Variants in CCDC170 observed in about 807,000 individuals in gnomAD.
CCDC170 encodes coiled-coil domain containing 170.
In CCDC170, 69 loss-of-function variants were observed where a neutral mutation model predicts 72.6. The ratio of observed to expected loss-of-function variants is 0.95; its 90% CI spans 0.78 to 1.16. CCDC170 has a LOEUF of 1.16. Among genes scored for constraint, CCDC170 ranks in the 50% most tolerant of loss-of-function variants. The pLI is 0.00. For missense variants in CCDC170, 852 were observed against 832.5 expected (o/e 1.02, Z -0.29); for synonymous variants, 300 against 303.9 (o/e 0.99, Z 0.13).
chr6:151,544,861 G>C, intron 4 of CCDC170, 145 bp downstream of exon 4: 4 of 646,312 alleles, frequency 6.2e-6, no homozygotes, highest in African/African-American at 1.8e-5. Flanking sequence ...TATGACTTGG[G>C]ACAAGTCACG....
intron 1 of CCDC170, among the ~76,000 whole-genome samples, chr6:151,522,703 A>G (rs183087334): frequency 2.8e-4 from 43 of 152,322 alleles, no homozygotes; most frequent in African/African-American, 9.9e-4. Flanking sequence ...GCACCCTTCT[A>G]CAGAAGTAAC....
rs573633517 is a variant in CCDC170 at position 151,544,669 on chromosome 6, C to G, written c.541C>G (p.Pro181Ala). ...FLTQLRDCLDPDERNDKASDE... is the reference protein window; with the variant it reads ...FLTQLRDCLDADERNDKASDE... ...GACTCAACTGCGTGACTGCTTGGATCCAGATGAGAGGAATGACAAGGCATC... is the reference window on the plus strand; with the variant it reads ...GACTCAACTGCGTGACTGCTTGGATGCAGATGAGAGGAATGACAAGGCATC... The change falls in exon 4 of 11, where the codon CCA (proline) becomes GCA (alanine). Residue 181 changes from proline to alanine, a missense_variant. By Grantham distance (27) the Pro-to-Ala change is conservative (BLOSUM62 -1). Transcript: ENST00000239374. 6.2e-7 allele frequency: 1 copy of G among 1,613,170 alleles called. No individual in the cohort carries two copies. The highest frequency in any genetic ancestry group is 1.1e-5 in the South Asian group (1 of 90,996).
At chr6:151,531,911 A>G (rs1782496075) in intron 1 of CCDC170, among the ~76,000 whole-genome samples, 2 of 152,210 alleles carry the variant, frequency 1.3e-5, no homozygotes, top group African/African-American at 4.8e-5. Flanking sequence ...CCATGATTCA[A>G]TTACCTCCTG....
At position 151,571,320 on chromosome 6, in the gene CCDC170, A is replaced by AT. The variant is rs1776215586; in HGVS notation, c.775-1854_775-1853insT. On this transcript the variant is annotated intron_variant, in intron 5 of 10. Transcript: ENST00000239374. Reference sequence around the variant, plus strand: ...TTACCTCTAACATACTATTTTTAATAATTTTTTTTTTTTACCAGTTAACTA... The same window carrying AT: ...TTACCTCTAACATACTATTTTTAATATATTTTTTTTTTTTACCAGTTAACTA... 1.0e-4 allele frequency among the ~76,000 whole-genome samples: 5 copies of AT among 47,760 alleles called. No individual in the cohort carries two copies. In the South Asian group the frequency reaches 2.0e-3, roughly 19 times the overall value. The allele number at this position is 47,760 out of a possible 152,430, so 31.3% of individuals were successfully genotyped here.
intron 3 of CCDC170, among the ~76,000 whole-genome samples, chr6:151,540,668 T>C (rs919866463): frequency 6.6e-6 from 1 of 152,008 alleles, no homozygotes; most frequent in East Asian, 1.9e-4. Flanking sequence ...ATTATAGGGA[T>C]AAGCCACCAC....
At chr6:151,506,565 A>G (rs1782069629) in intron 1 of CCDC170, among the ~76,000 whole-genome samples, 1 of 152,208 alleles carries the variant, frequency 6.6e-6, no homozygotes. Flanking sequence ...ACCTGGAGAC[A>G]GTTTATTCCT....
At chr6:151,516,303 A>C (rs969577971) in intron 1 of CCDC170, among the ~76,000 whole-genome samples, 2 of 152,184 alleles carry the variant, frequency 1.3e-5, no homozygotes, top group Admixed American at 6.5e-5. Flanking sequence ...TCCATTTTCC[A>C]TCAAGGCTTG....
rs771627857 is a variant in CCDC170, at chr6:151,568,105, G to GAAAA, written c.775-5046_775-5043dup. ...AGCCTGGGCGACAGAGTGAGACTCT[G>GAAAA]AAAAAAAAAAAAAAAAAAAAAAAAA... On this transcript the variant is annotated intron_variant, in intron 5 of 10. Transcript: ENST00000239374. 1.3e-4 allele frequency among the ~76,000 whole-genome samples: 5 copies of GAAAA among 38,258 alleles called. 1 individual carries two copies. Among genetic ancestry groups the GAAAA allele is most frequent in the Non-Finnish European group, 1.9e-4 (4 of 20,642 alleles). The allele number at this position is 38,258 out of a possible 152,430, so 25.1% of individuals were successfully genotyped here. A position where few individuals can be genotyped will look rare whatever the true frequency, so the allele number is the denominator to read the frequency against.
Position 151,554,527 on chromosome 6 carries a change from C to A in CCDC170, c.774+6038C>A, listed in dbSNP as rs554338319. 3.2e-3 allele frequency among the ~76,000 whole-genome samples: 485 copies of A among 152,170 alleles called. 5 individuals carry two copies. Among genetic ancestry groups the A allele is most frequent in the Non-Finnish European group, 2.5e-3 (167 of 68,008 alleles). On this transcript the variant is annotated intron_variant, in intron 5 of 10. Coordinates refer to ENST00000239374, the MANE Select transcript of CCDC170 (RefSeq NM_025059.4). ...ATAACTTGAGGTCAGGAGTTTGAGA[C>A]CAGCCTGACCAACACGGCAAAACCC...
At chr6:151,613,321 C>G (rs771257561) in intron 9 of CCDC170, among the ~76,000 whole-genome samples, 43 of 152,068 alleles carry the variant, frequency 2.8e-4, no homozygotes, top group Admixed American at 2.4e-3. Context: ...AAGAATTGCT[C>G]GAAACCAGAA....
chr6:151,589,021 AGGTG>A (rs1449504375), intron 7 of CCDC170, among the ~76,000 whole-genome samples: 1 of 152,134 alleles, frequency 6.6e-6, no homozygotes, highest in Non-Finnish European at 1.5e-5. Context: ...TAGGAGGCTG[AGGTG>A]GGTGGATCAC....
chr6:151,573,086 G>A, intron 5 of CCDC170, 88 bp from the exon 6 acceptor site: 1 of 1,235,762 alleles, frequency 8.1e-7, no homozygotes, highest in Non-Finnish European at 1.1e-6. Context: ...GTCATTAGCA[G>A]GCAAAGTCAA....
chr6:151,547,753 T>C (rs993533061), intron 4 of CCDC170, among the ~76,000 whole-genome samples: 4 of 152,218 alleles, frequency 2.6e-5, no homozygotes, highest in African/African-American at 9.6e-5. Flanking sequence ...GTAAATCTTA[T>C]AAATGCTCCC....
At chr6:151,580,016 G>A (rs12209048) in intron 6 of CCDC170, among the ~76,000 whole-genome samples, 8 of 152,170 alleles carry the variant, frequency 5.3e-5, no homozygotes, top group African/African-American at 1.4e-4. Context: ...TCTGGTCTAC[G>A]TCAGATGCTT....
chr6:151,593,991 G>T (rs1359730919), intron 8 of CCDC170, among the ~76,000 whole-genome samples: 1 of 152,138 alleles, frequency 6.6e-6, no homozygotes, highest in Non-Finnish European at 1.5e-5. Context: ...CTCTGCATTT[G>T]TAAACTCAGC....
At chr6:151,606,710 G>C (rs1454386568) in intron 9 of CCDC170, among the ~76,000 whole-genome samples, 1 of 152,176 alleles carries the variant, frequency 6.6e-6, no homozygotes, top group African/African-American at 2.4e-5. Context: ...GCAATACTGA[G>C]TGTGAGGTGT....
chr6:151,547,346 T>A (rs1472965852), intron 4 of CCDC170, among the ~76,000 whole-genome samples: 1 of 152,128 alleles, frequency 6.6e-6, no homozygotes, highest in African/African-American at 2.4e-5. Flanking sequence ...CAAATAAATA[T>A]CTACGATTGC....
At chr6:151,504,129 T>C (rs1306315636) in intron 1 of CCDC170, among the ~76,000 whole-genome samples, 3 of 152,314 alleles carry the variant, frequency 2.0e-5, no homozygotes, top group African/African-American at 7.2e-5. Flanking sequence ...TAAGGGACCA[T>C]AGTGTGTGCA....
At chr6:151,559,759 T>G (rs1255115674) in intron 5 of CCDC170, among the ~76,000 whole-genome samples, 3 of 152,234 alleles carry the variant, frequency 2.0e-5, no homozygotes, top group Non-Finnish European at 4.4e-5. Flanking sequence ...TAGTCATCTC[T>G]GAGGATCTTT....
Sources: allele counts gnomAD v4.1 joint callset (sites outside exome capture counted in the v4.1 genomes callset), GRCh38; gene constraint gnomAD v4.1.1; transcripts MANE v1.5; gene names NCBI Gene and HGNC (gene_info 2026-07-23, HGNC 2026-07-21).